The following PTK7 variants were observed in gnomAD, a reference collection of about 807,000 sequenced individuals.
PTK7 encodes protein tyrosine kinase 7 (inactive), also known as inactive tyrosine-protein kinase 7.
PTK7 carries 39 observed loss-of-function variants against 116.6 expected under a neutral mutation model. That is an observed-to-expected ratio of 0.33 (90% confidence interval 0.26 to 0.44). The LOEUF (loss-of-function observed/expected upper bound fraction) is 0.44. Among genes scored for constraint, PTK7 ranks in the 20% least tolerant of loss-of-function variants. PTK7 has a pLI of 1.00. For missense variants in PTK7, 1,169 were observed against 1,425.6 expected (o/e 0.82, Z 2.90); for synonymous variants, 546 against 563.6 (o/e 0.97, Z 0.44).
intron 15 of PTK7, chr6:43,144,840 T>G (rs964428840): frequency 2.3e-6 from 1 of 438,244 alleles, no homozygotes; most frequent in Non-Finnish European, 4.0e-6. Context: ...GATGTTTTAT[T>G]TAAATTGACT....
chr6:43,100,414 A>T (rs35552319), intron 1 of PTK7, among the ~76,000 whole-genome samples: 18,215 of 149,196 alleles, frequency 0.12, 1,843 homozygotes, highest in East Asian at 0.33. Flanking sequence ...GGGTTTTTTT[A>T]AAAAAAAATG....
Position 43,076,700 on chromosome 6 carries a change from A to C in PTK7, c.79+133A>C. On this transcript the variant is annotated intron_variant, in intron 1 of 19. Coordinates refer to ENST00000230419, the MANE Select transcript of PTK7 (RefSeq NM_002821.5). This position sits in a 1 kb window ranked among gnomAD's most constrained non-coding sequence, Gnocchi z 5.7. ...TAGTGGAGAGGCTCGCTGGGGGTGCAGGCTTGCGGCGGAAGGGCGCAAGGA... is the reference window on the plus strand; with the variant it reads ...TAGTGGAGAGGCTCGCTGGGGGTGCCGGCTTGCGGCGGAAGGGCGCAAGGA... 4.3e-6 allele frequency: 6 copies of C among 1,381,882 alleles called. No homozygotes were observed. In the South Asian group the frequency reaches 8.8e-5, roughly 20 times the overall value. The allele number at this position is 1,381,882 out of a possible 1,614,324, so 85.6% of individuals were successfully genotyped here.
intron 7 of PTK7, among the ~76,000 whole-genome samples, chr6:43,138,237 G>A (rs1770162829): frequency 6.6e-6 from 1 of 151,692 alleles, no homozygotes; most frequent in Non-Finnish European, 1.5e-5. Flanking sequence ...CTAGAGTGCA[G>A]TGTCTTACAG....
intron 1 of PTK7, among the ~76,000 whole-genome samples, chr6:43,114,856 A>G (rs1322513119): frequency 6.6e-6 from 1 of 152,102 alleles, no homozygotes; most frequent in African/African-American, 2.4e-5. Context: ...CCTGGCCAAC[A>G]TGGTGAAACC....
rs1004240274 is a variant in PTK7 at position 43,083,331 on chromosome 6, C to T, written c.79+6764C>T. ...GGCCCTCACCTTGCCCTGGAGCTGC[C>T]GCCTGCCCTTCTCCTGATTCCTGCT... On this transcript the variant is annotated intron_variant, in intron 1 of 19. Coordinates refer to ENST00000230419, the MANE Select transcript of PTK7 (RefSeq NM_002821.5). 9.2e-5 allele frequency among the ~76,000 whole-genome samples: 14 copies of T among 152,292 alleles called. No individual in the cohort carries two copies. In the South Asian group the frequency reaches 2.5e-3, roughly 27 times the overall value.
rs551590483 is a variant in PTK7 at position 43,076,638 on chromosome 6, G to C, written c.79+71G>C. ...GTCCCGTGGGCAAAAGGCTGCGCCC[G>C]GGGCGGTGGGTTTGGGCGGCTGGAA... On this transcript the variant is annotated intron_variant, in intron 1 of 19. Transcript: ENST00000230419. The surrounding 1 kb of genome is among the most constrained non-coding windows in gnomAD (Gnocchi z 5.7). 7.7e-5 allele frequency: 115 copies of C among 1,487,226 alleles called. No homozygotes were observed. The African/African-American group carries it at 1.3e-3, about 17-fold the overall frequency. 92.1% of individuals were successfully genotyped at this position (1,487,226 alleles called of 1,614,324 possible). A position where few individuals can be genotyped will look rare whatever the true frequency, so the allele number is the denominator to read the frequency against.
chr6:43,115,430 C>T (rs1269450807), intron 1 of PTK7, among the ~76,000 whole-genome samples: 2 of 152,076 alleles, frequency 1.3e-5, no homozygotes, highest in Non-Finnish European at 2.9e-5. Flanking sequence ...GTGGCCTGTC[C>T]TCATCCCCCT....
rs771066061 is a variant in PTK7 at position 43,139,173 on chromosome 6, G to A, written c.1400G>A (p.Arg467His). 14 of 1,614,214 alleles carry A rather than the reference G, an allele frequency of 8.7e-6. No individual in the cohort carries two copies. Among genetic ancestry groups the A allele is most frequent in the Admixed American group, 3.3e-5 (2 of 60,026 alleles). ...GAGGTCTTCAAGAATGGGACCTTGC[G>A]CATCAACAGCGTGGAGGTGTATGAT... ...RFEVFKNGTL[R>H]INSVEVYDGT... is the part of the protein sequence containing the mutation. Residue 467 changes from arginine to histidine, a missense_variant, in exon 9 of 20, where the codon CGC becomes CAC. Physicochemically the swap from Arg to His is conservative, Grantham distance 29 (BLOSUM62 0). Around this residue, in one of 3 missense-constraint regions of PTK7, gnomAD observed 678 missense variants for 853.8 expected, o/e 0.79. Transcript: ENST00000230419. The surrounding 1 kb of genome is among the most constrained non-coding windows in gnomAD (Gnocchi z 4.6).
chr6:43,100,909 G>A (rs992211405), intron 1 of PTK7, among the ~76,000 whole-genome samples: 1 of 152,198 alleles, frequency 6.6e-6, no homozygotes, highest in South Asian at 2.1e-4. Flanking sequence ...AAAATGACTG[G>A]ATAGACAGTA....
chr6:43,150,998 T>C (rs116689603), intron 17 of PTK7, among the ~76,000 whole-genome samples: 2,897 of 150,930 alleles, frequency 0.019, 35 homozygotes, highest in Non-Finnish European at 0.027. Flanking sequence ...AATTTTTGTA[T>C]TTTTAGCAGG....
intron 1 of PTK7, among the ~76,000 whole-genome samples, chr6:43,084,644 A>C (rs1356870442): frequency 6.6e-6 from 1 of 152,244 alleles, no homozygotes; most frequent in Non-Finnish European, 1.5e-5. Flanking sequence ...CTGTCTGAGG[A>C]GGCATGGAAT....
At chr6:43,118,644 T>C (rs1768718218) in intron 1 of PTK7, among the ~76,000 whole-genome samples, 1 of 85,948 alleles carries the variant, frequency 1.2e-5, no homozygotes, top group Non-Finnish European at 2.2e-5. Flanking sequence ...TCTCTCTCTC[T>C]CTCTCTCTCT....
intron 1 of PTK7, among the ~76,000 whole-genome samples, chr6:43,085,409 C>T (rs921806148): frequency 2.6e-5 from 4 of 151,928 alleles, no homozygotes; most frequent in Non-Finnish European, 5.9e-5. Flanking sequence ...CCACCATGCC[C>T]GGCTAATTTT....
chr6:43,130,095 C>T, intron 3 of PTK7, 135 bp from the exon 4 acceptor site: 1 of 966,622 alleles, frequency 1.0e-6, no homozygotes, highest in Non-Finnish European at 1.5e-6. Context: ...TGCCCTTTTG[C>T]AAGTCCCTTC....
At chr6:43,140,734 A>G (rs886822455) in intron 10 of PTK7, among the ~76,000 whole-genome samples, 1 of 152,150 alleles carries the variant, frequency 6.6e-6, no homozygotes. Context: ...CAAAAAATTT[A>G]AAAATTAGCC....
intron 5 of PTK7, among the ~76,000 whole-genome samples, chr6:43,130,911 C>T (rs1769631727): frequency 6.6e-6 from 1 of 152,084 alleles, no homozygotes; most frequent in African/African-American, 2.4e-5. Context: ...CTCTCCCCAC[C>T]ACCCACATGG....
rs1346612242 is a variant in PTK7 at position 43,130,368 on chromosome 6, C to T, written c.609C>T (p.His203=). 6.2e-7 allele frequency: 1 copy of T among 1,611,476 alleles called. No individual in the cohort carries two copies. The highest frequency in any genetic ancestry group is 2.2e-5 in the East Asian group (1 of 44,834). Residue 203 remains histidine (H), a synonymous_variant, in exon 4 of 20, where the codon CAC becomes CAT. Coordinates refer to ENST00000230419, the MANE Select transcript of PTK7 (RefSeq NM_002821.5). ...EHSGLYSCCA[H]SAFGQACSSQ... The stretch of plus-strand genomic sequence containing the variant: ...GTGGGCTGTATTCCTGCTGCGCCCA[C>T]AGTGCTTTTGGCCAGGCTTGCAGCA...
At chr6:43,085,810 G>A (rs1435296143) in intron 1 of PTK7, among the ~76,000 whole-genome samples, 1 of 151,728 alleles carries the variant, frequency 6.6e-6, no homozygotes, top group Non-Finnish European at 1.5e-5. Flanking sequence ...GCGCATGCCC[G>A]TAATCCCAGC....
At position 43,092,573 on chromosome 6, in the gene PTK7, C is replaced by T. The variant is rs184861668; in HGVS notation, c.79+16006C>T. On this transcript the variant is annotated intron_variant, in intron 1 of 19. Transcript: ENST00000230419. ...TCCACTGGGGGGTCATAGAACATAT[C>T]CCCCCCAGGATTGGGGGGACTACTG... is the stretch of plus-strand genomic sequence containing the variant. Among the ~76,000 whole-genome samples, 4 of 148,774 alleles carry T rather than the reference C, an allele frequency of 2.7e-5. No individual in the cohort carries two copies. In the East Asian group the frequency reaches 5.8e-4, roughly 22 times the overall value.
Sources: gnomAD v4.1 joint callset for allele counts (sites outside exome capture counted in the v4.1 genomes callset) on GRCh38, gnomAD v4.1.1 for gene constraint, gnomAD v4.1.1 regional missense constraint, Gnocchi (gnomAD v3.1) non-coding constraint, MANE v1.5 for transcripts, NCBI Gene and HGNC (gene_info 2026-07-23, HGNC 2026-07-21) for gene names.